ZNF350: variants seen among roughly 807,000 people sequenced by gnomAD.
ZNF350 encodes zinc finger protein 350.
Under a neutral mutation model 13.1 loss-of-function variants are expected in ZNF350, and 5 were observed. That is an observed-to-expected ratio of 0.38 (90% CI 0.20 to 0.80). The LOEUF (loss-of-function observed/expected upper bound fraction) is 0.80. Among genes scored for constraint, ZNF350 ranks in the 30% least tolerant of loss-of-function variants. ZNF350 has a pLI of 0.43. For missense variants in ZNF350, 534 were observed against 644.2 expected (o/e 0.83, Z 1.85); for synonymous variants, 199 against 224.2 (o/e 0.89, Z 1.00).
rs2085831469 is a variant in ZNF350 at position 51,974,506 on chromosome 19, G to T, written c.-146C>A. On this transcript the variant is annotated 5_prime_UTR_variant, in exon 2 of 5. Coordinates refer to ENST00000243644, the MANE Select transcript of ZNF350 (RefSeq NM_021632.4). ...TCCACTTCCTCCCTCTTCAGGTTAT[G>T]TTTTTTGCTCCTGAGGAGTCAGAAC... 12 of 982,810 alleles carry T rather than the reference G, an allele frequency of 1.2e-5. No homozygotes were observed. In the South Asian group the frequency reaches 1.7e-4, roughly 14 times the overall value. The allele number at this position is 982,810 out of a possible 1,614,324, so 60.9% of individuals were successfully genotyped here.
intron 4 of ZNF350, among the ~76,000 whole-genome samples, chr19:51,968,207 G>A (rs922964197): frequency 2.6e-5 from 4 of 152,136 alleles, no homozygotes; most frequent in Non-Finnish European, 5.9e-5. Context: ...CAAAGGGGTG[G>A]GAGTCCGAAA....
At chr19:51,981,283 C>T (rs2086036119) in intron 1 of ZNF350, 1 of 137,274 alleles carries the variant, frequency 7.3e-6, no homozygotes, top group Non-Finnish European at 1.5e-5. Flanking sequence ...ATCTCTTTTG[C>T]CTAATAAATA....
At position 51,976,184 on chromosome 19, in the gene ZNF350, G is replaced by A. The variant is rs1026487284; in HGVS notation, c.-171-1653C>T. ...GCCGTTATCTACTGCGACATCTAGA[G>A]AATGCAGTCTTGCAAGACTACTCTG... is the stretch of plus-strand genomic sequence containing the variant. On this transcript the variant is annotated intron_variant, in intron 1 of 4. Transcript: ENST00000243644. The surrounding 1 kb of genome is among the most constrained non-coding windows in gnomAD (Gnocchi z 4.5). Among the ~76,000 whole-genome samples the A allele has an allele frequency of 1.3e-5, 2 of 151,718 alleles. No homozygotes were observed. Among genetic ancestry groups the A allele is most frequent in the African/African-American group, 4.9e-5 (2 of 41,234 alleles).
In ZNF350 at chr19:51,965,949, G is replaced by A; in HGVS notation, c.504C>T (p.Asn168=). 1 of 1,614,050 alleles carries A rather than the reference G, an allele frequency of 6.2e-7. No homozygotes were observed. The highest frequency in any genetic ancestry group is 8.5e-7 in the Non-Finnish European group (1 of 1,180,028). The change falls in exon 5 of 5, where the codon AAC becomes AAT. Residue 168 remains asparagine (N), a synonymous_variant. Coordinates refer to ENST00000243644, the MANE Select transcript of ZNF350 (RefSeq NM_021632.4). ...TGNGDSFLHA[N]HERLHTAIKF... ...TAATTGCAGTATGAAGTCGTTCATG[G>A]TTAGCATGAAGAAAGGAGTCCCCAT...
intron 2 of ZNF350, chr19:51,973,554 C>T (rs977854554): frequency 5.9e-5 from 9 of 152,166 alleles, no homozygotes; most frequent in Non-Finnish European, 1.2e-4. Flanking sequence ...ATTTACTATA[C>T]AATAAGGACT....
intron 2 of ZNF350, among the ~76,000 whole-genome samples, chr19:51,972,315 A>C (rs1255333270): frequency 6.6e-6 from 1 of 151,252 alleles, no homozygotes; most frequent in African/African-American, 2.4e-5. Flanking sequence ...AAAAAGGAAA[A>C]AAGAAAAAAA....
Position 51,966,130 on chromosome 19 carries a change from G to C in ZNF350, c.323C>G (p.Ala108Gly), listed in dbSNP as rs370268256. 1.6e-5 allele frequency: 26 copies of C among 1,613,988 alleles called. No individual in the cohort carries two copies. In the African/African-American group the frequency reaches 3.1e-4, roughly 19 times the overall value. Reference protein sequence around the residue: ...NRRKPCHEHDAFENIVHCSKS... With the variant: ...NRRKPCHEHDGFENIVHCSKS... ...GCTGCAATGAACAATATTTTCAAAT[G>C]CATCATGTTCATGACATGGTTTCCT... The change falls in exon 5 of 5, where the codon GCA becomes GGA. Residue 108 changes from alanine (A) to glycine (G), a missense_variant. Physicochemically the swap from Ala to Gly is moderately conservative, Grantham distance 60 (BLOSUM62 0). Transcript: ENST00000243644.
At position 51,977,588 on chromosome 19, in the gene ZNF350, T is replaced by C. The variant is rs2085929438; in HGVS notation, c.-171-3057A>G. On this transcript the variant is annotated intron_variant, in intron 1 of 4. Transcript: ENST00000243644. ...GCTAAATGCGCCTGGGCCACAATCC[T>C]GAAGAGGGAGTCCCTGTACAATCCT... Among the ~76,000 whole-genome samples, 3 of 152,208 alleles carry C rather than the reference T, an allele frequency of 2.0e-5. No homozygotes were observed. The South Asian group carries it at 6.2e-4, about 31-fold the overall frequency.
At chr19:51,979,158 G>A (rs961436315) in intron 1 of ZNF350, among the ~76,000 whole-genome samples, 1 of 152,072 alleles carries the variant, frequency 6.6e-6, no homozygotes, top group Non-Finnish European at 1.5e-5. Flanking sequence ...CATAACCTGG[G>A]GACAACTCAA....
At chr19:51,977,361 G>A (rs907549441) in intron 1 of ZNF350, among the ~76,000 whole-genome samples, 1 of 152,218 alleles carries the variant, frequency 6.6e-6, no homozygotes, top group Non-Finnish European at 1.5e-5. Flanking sequence ...TGAGACACTT[G>A]GCGCGAACTT....
intron 4 of ZNF350, 73 bp from the exon 5 acceptor site, chr19:51,966,287 TTTG>T: frequency 4.8e-6 from 7 of 1,470,236 alleles, no homozygotes; most frequent in African/African-American, 1.4e-5. Context: ...TTTTGTTTTT[TTTG>T]TTTTTTTTTT....
At chr19:51,972,306 A>G (rs1000703594) in intron 2 of ZNF350, among the ~76,000 whole-genome samples, 7 of 151,630 alleles carry the variant, frequency 4.6e-5, no homozygotes, top group African/African-American at 1.7e-4. Context: ...AAAAAAAAAA[A>G]AAAGGAAAAA....
chr19:51,966,161 T>C lies in ZNF350; in HGVS notation c.292A>G (p.Asn98Asp). Residue 98 changes from asparagine (N) to aspartate (D), a missense_variant, in exon 5 of 5, where the codon AAC becomes GAC. By Grantham distance (23) the Asn-to-Asp change is conservative. Coordinates refer to ENST00000243644, the MANE Select transcript of ZNF350 (RefSeq NM_021632.4). Reference sequence around the variant, plus strand: ...TGTTCATGACATGGTTTCCTTCTGTTCACCAGGCTTTCACTCTGCAAGCGC... The same window carrying C: ...TGTTCATGACATGGTTTCCTTCTGTCCACCAGGCTTTCACTCTGCAAGCGC... ...LERLQSESLV[N>D]RRKPCHEHDA... 1 of 1,612,092 alleles carries C rather than the reference T, an allele frequency of 6.2e-7. No individual in the cohort carries two copies. The highest frequency in any genetic ancestry group is 1.1e-5 in the South Asian group (1 of 90,392).
At position 51,965,400 on chromosome 19, in the gene ZNF350, A is replaced by C; in HGVS notation, c.1053T>G (p.Cys351Trp). ...CTGATTTCTGAGAACAGGATTTTCC[A>C]CATTCACTGCACACAAAGGGCGTCT... ...TGKTPFVCSECGKSCSQKSGL... is the reference protein window; with the variant it reads ...TGKTPFVCSEWGKSCSQKSGL... The change falls in exon 5 of 5, where the codon TGT becomes TGG. Residue 351 changes from cysteine (C) to tryptophan (W), a missense_variant. Physicochemically the swap from Cys to Trp is radical, Grantham distance 215. Coordinates refer to ENST00000243644, the MANE Select transcript of ZNF350 (RefSeq NM_021632.4). 1 of 1,614,168 alleles carries C rather than the reference A, an allele frequency of 6.2e-7. No individual in the cohort carries two copies. Among genetic ancestry groups the C allele is most frequent in the Non-Finnish European group, 8.5e-7 (1 of 1,180,028 alleles).
In ZNF350 at chr19:51,965,686, T is replaced by C. The variant is rs992090892; in HGVS notation, c.767A>G (p.His256Arg). The C allele has an allele frequency of 1.9e-6, 3 of 1,614,102 alleles. No individual in the cohort carries two copies. The African/African-American group carries it at 4.0e-5, about 22-fold the overall frequency. The change falls in exon 5 of 5, where the codon CAT becomes CGT. Residue 256 changes from histidine (H) to arginine (R), a missense_variant. Physicochemically the swap from His to Arg is conservative, Grantham distance 29. Transcript: ENST00000243644. ...GCATTCATAAGGTTTTTCTCCTGTA[T>C]GAGTTCGCTGATGTTCAGTAAGCAT... ...KFMLTEHQRT[H>R]TGEKPYECPE...
chr19:51,982,822 G>A (rs1347618588), intron 1 of ZNF350, among the ~76,000 whole-genome samples: 2 of 152,144 alleles, frequency 1.3e-5, no homozygotes, highest in Non-Finnish European at 1.5e-5. Context: ...ATCCTTATAA[G>A]CAGAATTAAG....
chr19:51,981,663 A>G (rs1045760683), intron 1 of ZNF350, among the ~76,000 whole-genome samples: 1 of 152,218 alleles, frequency 6.6e-6, no homozygotes, highest in Non-Finnish European at 1.5e-5. Context: ...ATAATCTGTT[A>G]TAACTATATC....
At chr19:51,977,794 A>G (rs2085936343) in intron 1 of ZNF350, among the ~76,000 whole-genome samples, 1 of 152,208 alleles carries the variant, frequency 6.6e-6, no homozygotes, top group African/African-American at 2.4e-5. Flanking sequence ...TGTACAAAAA[A>G]CTTGGGAAAT....
At position 51,965,537 on chromosome 19, in the gene ZNF350, T is replaced by A. The variant is rs965092759; in HGVS notation, c.916A>T (p.Ile306Phe). The A allele has an allele frequency of 6.2e-7, 1 of 1,613,394 alleles. No individual in the cohort carries two copies. The highest frequency in any genetic ancestry group is 2.2e-5 in the East Asian group (1 of 44,880). The change falls in exon 5 of 5, where the codon ATT becomes TTT. Residue 306 changes from isoleucine (I) to phenylalanine (F), a missense_variant. Transcript: ENST00000243644. Reference protein sequence around the residue: ...GKGFIQKGNLIVHQRIHTGEK... With the variant: ...GKGFIQKGNLFVHQRIHTGEK... ...CCTGTATGAATTCGCTGGTGTACAA[T>A]GAGATTTCCTTTCTGGATGAAGCCT...
Sources: gnomAD v4.1 joint callset for allele counts (sites outside exome capture counted in the v4.1 genomes callset) on GRCh38, gnomAD v4.1.1 for gene constraint, Gnocchi (gnomAD v3.1) non-coding constraint, MANE v1.5 for transcripts, NCBI Gene and HGNC (gene_info 2026-07-23, HGNC 2026-07-21) for gene names.